The following MYO16 variants were observed in gnomAD, a reference collection of about 807,000 sequenced individuals.
MYO16 encodes the protein unconventional myosin-XVI.
A neutral mutation model predicts 205.3 loss-of-function variants in MYO16; 94 were observed. The observed-to-expected ratio is 0.46, with a 90% CI of 0.39 to 0.54. The LOEUF (loss-of-function observed/expected upper bound fraction) is 0.54, where lower values mean the gene tolerates loss of function less well. Among genes scored for constraint, MYO16 ranks in the 20% least tolerant of loss-of-function variants. The probability of loss-of-function intolerance (pLI) is 0.00; values close to 1 mark genes in which losing one functional copy is unlikely to be tolerated. For synonymous variants in MYO16, 988 were observed against 954.0 expected, an observed-to-expected ratio of 1.04 and a Z score of -0.66; for missense variants, 2,315 against 2,387.5, an observed-to-expected ratio of 0.97 and a Z score of 0.63.
At chr13:108,625,758 A>G (rs1268759072), upstream of MYO16, among the ~76,000 whole-genome samples, 1 of 152,214 alleles carries the variant, frequency 6.6e-6, no homozygotes, top group Non-Finnish European at 1.5e-5. Flanking sequence ...TGTGTGATTT[A>G]TATCTTCATT....
chr13:108,963,610 A>G (rs1350125826), intron 19 of MYO16, among the ~76,000 whole-genome samples: 1 of 152,178 alleles, frequency 6.6e-6, no homozygotes, highest in Admixed American at 6.5e-5. Flanking sequence ...TGCAATAGGC[A>G]TTTCAGGAAT....
intron 16 of MYO16, among the ~76,000 whole-genome samples, chr13:108,930,597 A>G (rs973268071): frequency 1.3e-5 from 2 of 152,240 alleles, no homozygotes; most frequent in African/African-American, 4.8e-5. Flanking sequence ...AATTAGAAGT[A>G]AAAGGAGTAT....
chr13:109,157,453 C>A (rs868756001), intron 32 of MYO16, among the ~76,000 whole-genome samples: 1 of 152,120 alleles, frequency 6.6e-6, no homozygotes, highest in South Asian at 2.1e-4. Context: ...TTCCCTCCCC[C>A]TCTCCACATT....
chr13:108,744,825 G>T (rs144850121), intron 4 of MYO16, among the ~76,000 whole-genome samples: 1 of 152,290 alleles, frequency 6.6e-6, no homozygotes, highest in East Asian at 1.9e-4. Flanking sequence ...TATGCTGTTA[G>T]TGGCCTTTGA....
chr13:109,015,196 A>G (rs148800775), intron 22 of MYO16, among the ~76,000 whole-genome samples: 10,931 of 152,040 alleles, frequency 0.072, 442 homozygotes, highest in Non-Finnish European at 0.093. Flanking sequence ...TGTTGAAGGC[A>G]TTTTCTGCAT....
chr13:108,788,546 G>C (rs368367065), intron 5 of MYO16, among the ~76,000 whole-genome samples: 4 of 152,164 alleles, frequency 2.6e-5, no homozygotes, highest in East Asian at 3.9e-4. Flanking sequence ...GTCCCTGAAA[G>C]ACACCAAAAG....
intron 16 of MYO16, among the ~76,000 whole-genome samples, chr13:108,930,870 T>C (rs949489401): frequency 6.6e-6 from 1 of 152,224 alleles, no homozygotes; most frequent in African/African-American, 2.4e-5. Context: ...GTTTGAGTTA[T>C]AAAGTAAACA....
At chr13:109,178,059 A>AT (rs943952184) in intron 33 of MYO16, among the ~76,000 whole-genome samples, 14 of 151,650 alleles carry the variant, frequency 9.2e-5, no homozygotes, top group African/African-American at 2.2e-4. Context: ...CCGGAAACAC[A>AT]TTTTTTTTCC....
At chr13:108,873,591 GGGACAGGGTCCATGCCAACCACCA>G (rs1566382216) in intron 12 of MYO16, among the ~76,000 whole-genome samples, 2 of 151,988 alleles carry the variant, frequency 1.3e-5, no homozygotes, top group African/African-American at 2.4e-5. Context: ...TCCACCAACC[GGGACAGGGTCCATGCCAACCACCA>G]GGACAGGGTC....
chr13:108,982,991 A>C (rs759174794), intron 20 of MYO16, among the ~76,000 whole-genome samples: 5 of 152,048 alleles, frequency 3.3e-5, no homozygotes, highest in Non-Finnish European at 7.4e-5. Flanking sequence ...ACTTTCTTTC[A>C]TTTTTAATTA....
intron 28 of MYO16, among the ~76,000 whole-genome samples, chr13:109,110,609 A>T (rs1265640550): frequency 6.6e-6 from 1 of 152,236 alleles, no homozygotes; most frequent in Non-Finnish European, 1.5e-5. Flanking sequence ...GTATTTTCAT[A>T]TAAATGTATC....
chr13:108,508,253 G>GGGA, the MYO16 span, among the ~76,000 whole-genome samples: 1 of 144,910 alleles, frequency 6.9e-6, no homozygotes, highest in Admixed American at 6.9e-5. Flanking sequence ...TTGGGCATTT[G>GGGA]AAAAAAAAAA....
At chr13:108,758,631 C>G (rs117972726) in intron 4 of MYO16, among the ~76,000 whole-genome samples, 1,563 of 152,238 alleles carry the variant, frequency 0.01, 13 homozygotes, top group Middle Eastern at 0.041. Context: ...CAGACATGAC[C>G]GTCACACTAG....
chr13:108,627,431 C>T (rs1262782984), upstream of MYO16, among the ~76,000 whole-genome samples: 1 of 152,156 alleles, frequency 6.6e-6, no homozygotes, highest in Non-Finnish European at 1.5e-5. Context: ...TAGAGGTCTA[C>T]ATTTGTAGTC....
intron 27 of MYO16, among the ~76,000 whole-genome samples, chr13:109,071,902 G>A (rs946741624): frequency 6.6e-6 from 1 of 152,104 alleles, no homozygotes; most frequent in Non-Finnish European, 1.5e-5. Flanking sequence ...ACACTGCCTG[G>A]CTAAGACCAA....
chr13:108,651,787 G>A (rs1881016563), intron 1 of MYO16, among the ~76,000 whole-genome samples: 1 of 152,140 alleles, frequency 6.6e-6, no homozygotes, highest in Non-Finnish European at 1.5e-5. Context: ...AGGATTATGT[G>A]TAGAACTAAA....
chr13:108,624,610 G>A (rs775984639), intron 1 of MYO16, among the ~76,000 whole-genome samples: 3 of 152,114 alleles, frequency 2.0e-5, no homozygotes, highest in African/African-American at 4.8e-5. Flanking sequence ...GTGGTTGTTC[G>A]GATTCAAGTG....
the MYO16 span, among the ~76,000 whole-genome samples, chr13:108,519,649 C>CACACA: frequency 0.067 from 7,969 of 118,452 alleles, 336 homozygotes; most frequent in Admixed American, 0.11. Context: ...ACACACACAC[C>CACACA]CACACACACA....
intron 27 of MYO16, among the ~76,000 whole-genome samples, chr13:109,097,195 G>T (rs1188523742): frequency 6.6e-6 from 1 of 152,112 alleles, no homozygotes; most frequent in African/African-American, 2.4e-5. Context: ...TGGGCGTGGT[G>T]GCGGGCACCA....
Sources: gnomAD v4.1 joint callset for allele counts (sites outside exome capture counted in the v4.1 genomes callset) on GRCh38, gnomAD v4.1.1 for gene constraint, MANE v1.5 for transcripts, NCBI Gene and HGNC (gene_info 2026-07-23, HGNC 2026-07-21) for gene names.